Variants in EXOC4 observed in about 807,000 individuals in gnomAD.
EXOC4 encodes the protein SEC8-like 1.
Under a neutral mutation model 107.2 loss-of-function variants are expected in EXOC4, and 71 were observed. The observed-to-expected ratio is 0.66, with a 90% CI of 0.55 to 0.81. EXOC4 has a LOEUF of 0.81. EXOC4 is among the 30% of genes least tolerant of loss of function. The pLI is 0.00. For synonymous variants in EXOC4, 456 were observed against 441.2 expected (o/e 1.03, Z -0.42); for missense variants, 1,108 against 1,189.6 (o/e 0.93, Z 1.01).
chr7:133,320,235 CT>C (rs1253188472), intron 5 of EXOC4, among the ~76,000 whole-genome samples: 3 of 152,182 alleles, frequency 2.0e-5, no homozygotes, highest in Non-Finnish European at 4.4e-5. Flanking sequence ...AATTTATTAT[CT>C]TACAGTTTTG....
In EXOC4 at chr7:133,479,962, A is replaced by C. The variant is rs1014824008; in HGVS notation, c.1329-88A>C. 5 of 1,110,274 alleles carry C rather than the reference A, an allele frequency of 4.5e-6. No homozygotes were observed. The African/African-American group carries it at 7.7e-5, about 17-fold the overall frequency. 68.8% of individuals were successfully genotyped at this position (1,110,274 alleles called of 1,614,324 possible). On this transcript the variant is annotated intron_variant, in intron 8 of 17. Coordinates refer to ENST00000253861, the MANE Select transcript of EXOC4 (RefSeq NM_021807.4). ...CGGAACATCGGGGAGCACCACACAG[A>C]CCAGAGTAGAATAATGTGGAATACA... is the stretch of plus-strand genomic sequence containing the variant.
At chr7:133,988,102 A>G (rs897803512) in intron 14 of EXOC4, among the ~76,000 whole-genome samples, 4 of 152,172 alleles carry the variant, frequency 2.6e-5, no homozygotes, top group African/African-American at 4.8e-5. Context: ...TTTTATGTCA[A>G]TCGTAAAGAG....
At chr7:133,884,434 G>C (rs1329748409) in intron 11 of EXOC4, among the ~76,000 whole-genome samples, 1 of 152,186 alleles carries the variant, frequency 6.6e-6, no homozygotes, top group Non-Finnish European at 1.5e-5. Flanking sequence ...AAGGGCCTCA[G>C]ATGTTTATCC....
chr7:133,596,994 A>G (rs1364688651), intron 9 of EXOC4, among the ~76,000 whole-genome samples: 2 of 152,174 alleles, frequency 1.3e-5, no homozygotes, highest in South Asian at 2.1e-4. Flanking sequence ...ATATGAATCT[A>G]GGTTGACAGC....
intron 11 of EXOC4, among the ~76,000 whole-genome samples, chr7:133,858,334 A>C (rs949876883): frequency 2.0e-5 from 3 of 152,076 alleles, no homozygotes; most frequent in Non-Finnish European, 4.4e-5. Context: ...CATGTGGTTG[A>C]GTCTGGGGGT....
intron 7 of EXOC4, among the ~76,000 whole-genome samples, chr7:133,430,613 A>T (rs559607533): frequency 6.6e-6 from 1 of 152,304 alleles, no homozygotes; most frequent in African/African-American, 2.4e-5. Context: ...ATTTGTTTAC[A>T]ATTTTACTAT....
At chr7:133,528,594 G>A (rs953989864) in intron 9 of EXOC4, among the ~76,000 whole-genome samples, 11 of 151,948 alleles carry the variant, frequency 7.2e-5, no homozygotes, top group South Asian at 2.1e-4. Flanking sequence ...TTCAAATACT[G>A]AGTGACCATA....
chr7:134,072,189 A>T, the EXOC4 span, among the ~76,000 whole-genome samples: 10 of 152,222 alleles, frequency 6.6e-5, no homozygotes, highest in African/African-American at 2.2e-4. Context: ...TTGGCTCAAC[A>T]TGTTGCCTTA....
chr7:134,019,703 A>C (rs1794987130), intron 17 of EXOC4, among the ~76,000 whole-genome samples: 1 of 152,238 alleles, frequency 6.6e-6, no homozygotes, highest in Non-Finnish European at 1.5e-5. Flanking sequence ...GCTCTTAACT[A>C]CGTGAAGTAA....
chr7:133,383,078 G>T (rs891766592), intron 7 of EXOC4, among the ~76,000 whole-genome samples: 1 of 152,136 alleles, frequency 6.6e-6, no homozygotes, highest in African/African-American at 2.4e-5. Flanking sequence ...TTGAGCAGCG[G>T]CAGTACCTTC....
chr7:133,577,223 G>A (rs1186463869), intron 9 of EXOC4, among the ~76,000 whole-genome samples: 3 of 152,094 alleles, frequency 2.0e-5, no homozygotes, highest in African/African-American at 7.2e-5. Flanking sequence ...TCTATTTAAT[G>A]TATTCATCAG....
chr7:133,853,966 C>T (rs758305064), intron 11 of EXOC4, among the ~76,000 whole-genome samples: 6 of 152,000 alleles, frequency 3.9e-5, no homozygotes, highest in Non-Finnish European at 7.4e-5. Context: ...CCCTAGGGGG[C>T]GGGGTGAGTC....
chr7:133,597,831 T>G (rs1239288782), intron 9 of EXOC4, among the ~76,000 whole-genome samples: 1 of 151,798 alleles, frequency 6.6e-6, no homozygotes, highest in African/African-American at 2.4e-5. Flanking sequence ...GCCAACATGA[T>G]GAAACCCCAT....
intron 11 of EXOC4, among the ~76,000 whole-genome samples, chr7:133,871,390 G>A (rs982183382): frequency 5.3e-5 from 8 of 152,052 alleles, no homozygotes; most frequent in Non-Finnish European, 1.0e-4. Context: ...CCAGCACACC[G>A]CTAGTCATGC....
chr7:133,416,412 A>G (rs1039108718), intron 7 of EXOC4, among the ~76,000 whole-genome samples: 1 of 152,202 alleles, frequency 6.6e-6, no homozygotes, highest in Non-Finnish European at 1.5e-5. Flanking sequence ...TTTTAAAAAG[A>G]TGTAATTTGC....
Position 133,634,728 on chromosome 7 carries a change from C to T in EXOC4, c.1514+4587C>T, listed in dbSNP as rs865834406. On this transcript the variant is annotated intron_variant, in intron 10 of 17. Transcript: ENST00000253861. ...TAGAACTCCTAACAGGTGATCCGCC[C>T]GCCTCGGCCTCCCAAAATGCTGAGA... Among the ~76,000 whole-genome samples, 8 of 152,078 alleles carry T rather than the reference C, an allele frequency of 5.3e-5. No homozygotes were observed. The South Asian group carries it at 1.0e-3, about 20-fold the overall frequency.
intron 10 of EXOC4, among the ~76,000 whole-genome samples, chr7:133,695,852 T>A (rs961011290): frequency 2.0e-5 from 3 of 152,196 alleles, no homozygotes; most frequent in Non-Finnish European, 4.4e-5. Flanking sequence ...AATCAAATGC[T>A]ATTACAGTAA....
intron 9 of EXOC4, among the ~76,000 whole-genome samples, chr7:133,594,326 TTCTC>T (rs1222107113): frequency 2.6e-5 from 4 of 152,262 alleles, no homozygotes; most frequent in Admixed American, 6.5e-5. Context: ...TTGAAGACCT[TTCTC>T]TCTTCTTTTC....
intron 7 of EXOC4, among the ~76,000 whole-genome samples, chr7:133,376,188 C>T (rs1165501479): frequency 6.6e-6 from 1 of 152,014 alleles, no homozygotes; most frequent in Non-Finnish European, 1.5e-5. Flanking sequence ...ACTTTTGGTA[C>T]AGTGTATATG....
Sources: gnomAD v4.1 joint callset for allele counts (sites outside exome capture counted in the v4.1 genomes callset) on GRCh38, gnomAD v4.1.1 for gene constraint, MANE v1.5 for transcripts, NCBI Gene and HGNC (gene_info 2026-07-23, HGNC 2026-07-21) for gene names.